Variants in RELCH observed in about 807,000 individuals in gnomAD.
The protein encoded by RELCH is RAB11-binding protein RELCH.
Under a neutral mutation model 150.3 loss-of-function variants are expected in RELCH, and 41 were observed. That is an observed-to-expected ratio of 0.27 (90% CI 0.21 to 0.35). RELCH has a LOEUF of 0.35. RELCH is among the 10% of genes least tolerant of loss of function. RELCH has a pLI of 1.00. For missense variants in RELCH, 1,092 were observed against 1,467.8 expected, an observed-to-expected ratio of 0.74 and a Z score of 4.18; for synonymous variants, 478 against 531.8, an observed-to-expected ratio of 0.90 and a Z score of 1.39.
chr18:62,260,578 A>G (rs1225580006), intron 15 of RELCH, among the ~76,000 whole-genome samples: 1 of 151,938 alleles, frequency 6.6e-6, no homozygotes. Context: ...TTGAAAAGAT[A>G]TATACTTTCA....
At chr18:62,281,166 C>G (rs868132340) in intron 24 of RELCH, among the ~76,000 whole-genome samples, 5 of 152,188 alleles carry the variant, frequency 3.3e-5, no homozygotes, top group Admixed American at 6.6e-5. Context: ...GTAAGCTGAG[C>G]TGGATGTTGC....
chr18:62,243,757 ATAT>A (rs1172627755), intron 10 of RELCH, among the ~76,000 whole-genome samples: 2 of 152,048 alleles, frequency 1.3e-5, no homozygotes, highest in Non-Finnish European at 2.9e-5. Context: ...TTGTTAGGTT[ATAT>A]TATTATAGAC....
At chr18:62,205,205 A>T (rs1248378217) in intron 1 of RELCH, among the ~76,000 whole-genome samples, 1 of 152,218 alleles carries the variant, frequency 6.6e-6, no homozygotes, top group East Asian at 1.9e-4. Flanking sequence ...TCAATATTTT[A>T]AAATTGTGGA....
intron 25 of RELCH, among the ~76,000 whole-genome samples, chr18:62,286,562 G>C (rs2044806913): frequency 6.6e-6 from 1 of 151,980 alleles, no homozygotes; most frequent in Non-Finnish European, 1.5e-5. Flanking sequence ...CTTATGGGTG[G>C]CGTTTTGTGA....
intron 27 of RELCH, among the ~76,000 whole-genome samples, chr18:62,292,381 G>GT (rs2045197575): frequency 6.6e-6 from 1 of 151,974 alleles, no homozygotes; most frequent in Non-Finnish European, 1.5e-5. Flanking sequence ...TTCTATTCCT[G>GT]TTTTTTTCTT....
chr18:62,288,489 A>G (rs1205194940), intron 26 of RELCH, among the ~76,000 whole-genome samples: 1 of 152,094 alleles, frequency 6.6e-6, no homozygotes, highest in African/African-American at 2.4e-5. Context: ...AATAAACCAA[A>G]TAGAGAAAGT....
chr18:62,252,591 A>T (rs2042775953), intron 11 of RELCH, 73 bp from the exon 12 acceptor site: 2 of 1,025,312 alleles, frequency 2.0e-6, no homozygotes, highest in Admixed American at 3.6e-5. Context: ...TATAGAGATG[A>T]GACTTTTTTA....
At chr18:62,264,968 T>A in intron 18 of RELCH, 116 bp downstream of exon 18, 1 of 815,198 alleles carries the variant, frequency 1.2e-6, no homozygotes, top group Non-Finnish European at 1.9e-6. Context: ...TTCGCTTCTT[T>A]AATATCCTAG....
chr18:62,203,612 C>G (rs1020727820), intron 1 of RELCH, among the ~76,000 whole-genome samples: 4 of 152,250 alleles, frequency 2.6e-5, no homozygotes, highest in African/African-American at 9.6e-5. Flanking sequence ...TTGCTATGTA[C>G]ACTTATTTTG....
chr18:62,293,913 C>T (rs960197682), intron 27 of RELCH, among the ~76,000 whole-genome samples: 2 of 151,956 alleles, frequency 1.3e-5, no homozygotes, highest in African/African-American at 2.4e-5. Flanking sequence ...TTTATTTATC[C>T]CTAAACAACA....
intron 2 of RELCH, among the ~76,000 whole-genome samples, chr18:62,212,777 A>G (rs1026265976): frequency 6.6e-6 from 1 of 152,146 alleles, no homozygotes; most frequent in African/African-American, 2.4e-5. Flanking sequence ...ATTATTTGCT[A>G]CCTCTTGGCA....
At chr18:62,216,109 T>C (rs2040460929) in intron 2 of RELCH, among the ~76,000 whole-genome samples, 1 of 152,108 alleles carries the variant, frequency 6.6e-6, no homozygotes, top group Non-Finnish European at 1.5e-5. Context: ...TCTTCAATTT[T>C]CTAGTTTTTT....
At chr18:62,266,659 T>A (rs1335109458) in intron 18 of RELCH, 42 bp from the exon 19 acceptor site, 2 of 1,377,424 alleles carry the variant, frequency 1.5e-6, no homozygotes, top group African/African-American at 2.9e-5. Flanking sequence ...AATTTGCCCA[T>A]TGAACCTGAG....
intron 2 of RELCH, among the ~76,000 whole-genome samples, chr18:62,212,894 T>C (rs750352904): frequency 6.6e-6 from 1 of 152,202 alleles, no homozygotes; most frequent in Non-Finnish European, 1.5e-5. Context: ...GACAGTGTTA[T>C]ATGAGTTAGA....
intron 1 of RELCH, among the ~76,000 whole-genome samples, chr18:62,208,620 G>C (rs1052819726): frequency 2.0e-5 from 3 of 152,098 alleles, no homozygotes; most frequent in Admixed American, 6.5e-5. Flanking sequence ...ACTAAGCCTA[G>C]TACCCAGTAG....
Position 62,298,814 on chromosome 18 carries a change from G to A in RELCH, c.3484G>A (p.Glu1162Lys). 2.5e-6 allele frequency: 4 copies of A among 1,584,720 alleles called. No homozygotes were observed. Among genetic ancestry groups the A allele is most frequent in the Non-Finnish European group, 3.5e-6 (4 of 1,156,462 alleles). ...GGTTATTTTAAGTTCCATGATAAAA[G>A]AATGTGAACAAAAAGTTGAAAACAA... ...HEVILSSMIK[E>K]CEQKVENKTV... Residue 1162 changes from glutamate (E) to lysine (K), a missense_variant, in exon 28 of 29, where the codon GAA becomes AAA. Glu to Lys is a moderately conservative substitution (Grantham distance 56). This residue lies in a region of RELCH where 707 missense variants were observed against 1,025.4 expected (regional missense o/e 0.69). Coordinates refer to ENST00000644646, the MANE Select transcript of RELCH (RefSeq NM_001346231.2).
chr18:62,270,865 A>G (rs940940906), intron 20 of RELCH, among the ~76,000 whole-genome samples: 1 of 151,754 alleles, frequency 6.6e-6, no homozygotes, highest in Non-Finnish European at 1.5e-5. Flanking sequence ...TCATTGTTCA[A>G]TTCCCACCTA....
chr18:62,230,479 A>G (rs1427200850), intron 8 of RELCH, among the ~76,000 whole-genome samples: 2 of 152,090 alleles, frequency 1.3e-5, no homozygotes, highest in Non-Finnish European at 2.9e-5. Flanking sequence ...AAGCTTTATT[A>G]TCTAATTTTT....
In RELCH at chr18:62,228,601, T is replaced by TA; in HGVS notation, c.1448+4dup. On this transcript the variant is annotated splice_donor_region_variant and intron_variant, in intron 8 of 28. Coordinates refer to ENST00000644646, the MANE Select transcript of RELCH (RefSeq NM_001346231.2). ...GTTCATTTTGATAAACCTAATAGGT[T>TA]AGTATGCATCCTATATTTTGAAATG... 6.3e-7 allele frequency: 1 copy of TA among 1,596,334 alleles called. No individual in the cohort carries two copies. The highest frequency in any genetic ancestry group is 8.5e-7 in the Non-Finnish European group (1 of 1,169,808).
Sources: allele counts gnomAD v4.1 joint callset (sites outside exome capture counted in the v4.1 genomes callset), GRCh38; gene constraint gnomAD v4.1.1; regional missense constraint gnomAD v4.1.1; transcripts MANE v1.5; gene names NCBI Gene and HGNC (gene_info 2026-07-23, HGNC 2026-07-21).